NDC1: variants seen among roughly 807,000 people sequenced by gnomAD.
NDC1 encodes nucleoporin NDC1.
A neutral mutation model predicts 89.8 loss-of-function variants in NDC1; 24 were observed. The observed-to-expected ratio is 0.27, with a 90% CI of 0.19 to 0.38. The LOEUF (loss-of-function observed/expected upper bound fraction) is 0.38, where lower values mean the gene tolerates loss of function less well. NDC1 is among the 10% of genes least tolerant of loss of function. The probability of loss-of-function intolerance (pLI) is 1.00; values close to 1 mark genes in which losing one functional copy is unlikely to be tolerated. For synonymous variants in NDC1, 296 were observed against 284.8 expected (o/e 1.04, Z -0.39); for missense variants, 728 against 797.6 (o/e 0.91, Z 1.05).
intron 16 of NDC1, among the ~76,000 whole-genome samples, chr1:53,779,245 C>A (rs1647185398): frequency 6.6e-6 from 1 of 151,746 alleles, no homozygotes; most frequent in Non-Finnish European, 1.5e-5. Context: ...CAGAGATAAT[C>A]TCATTTACTC....
At chr1:53,826,057 C>A (rs559351308) in intron 4 of NDC1, 121 bp from the exon 5 acceptor site, 8 of 964,512 alleles carry the variant, frequency 8.3e-6, no homozygotes, top group South Asian at 1.6e-5. Context: ...GTCCCAAATT[C>A]TAACAAGATG....
At chr1:53,821,888 TTGTCTTGA>T (rs1648679917) in intron 5 of NDC1, among the ~76,000 whole-genome samples, 1 of 152,272 alleles carries the variant, frequency 6.6e-6, no homozygotes, top group South Asian at 2.1e-4. Context: ...GTTGGCATAG[TTGTCTTGA>T]TGTCCATTTC....
intron 3 of NDC1, among the ~76,000 whole-genome samples, chr1:53,831,005 A>T (rs1667863586): frequency 6.6e-6 from 1 of 152,100 alleles, no homozygotes; most frequent in South Asian, 2.1e-4. Flanking sequence ...GCCGATCACG[A>T]GGTGAGGAGA....
rs1647609705 is a variant in NDC1 at position 53,793,982 on chromosome 1, C to G, written c.1585-703G>C. On this transcript the variant is annotated intron_variant, in intron 13 of 17. Coordinates refer to ENST00000371429, the MANE Select transcript of NDC1 (RefSeq NM_018087.5). ...GTTTCTCTCACAGGGAAAAAAAAAT[C>G]TTTTTTTTTTTGAGACAGGGTCTCA... is the stretch of plus-strand genomic sequence containing the variant. Among the ~76,000 whole-genome samples, 3 of 145,124 alleles carry G rather than the reference C, an allele frequency of 2.1e-5. No homozygotes were observed. The South Asian group carries it at 6.5e-4, about 32-fold the overall frequency.
At position 53,831,138 on chromosome 1, in the gene NDC1, C is replaced by T. The variant is rs1375583436; in HGVS notation, c.280+1352G>A. On this transcript the variant is annotated intron_variant, in intron 3 of 17. Transcript: ENST00000371429. Reference sequence around the variant, plus strand: ...TACTTGGGAGGCTGAGGCGGGAGAACGGCGTGAACCTAGGAGGCAGAGCTT... The same window carrying T: ...TACTTGGGAGGCTGAGGCGGGAGAATGGCGTGAACCTAGGAGGCAGAGCTT... Among the ~76,000 whole-genome samples, 9 of 148,858 alleles carry T rather than the reference C, an allele frequency of 6.0e-5. No homozygotes were observed. In the East Asian group the frequency reaches 6.2e-4, roughly 10 times the overall value.
At chr1:53,789,756 G>A (rs946504336) in intron 14 of NDC1, among the ~76,000 whole-genome samples, 17 of 146,922 alleles carry the variant, frequency 1.2e-4, no homozygotes, top group African/African-American at 3.8e-4. Flanking sequence ...CTGAGATCGC[G>A]CCATTGCACT....
chr1:53,795,778 G>A (rs943082129), intron 13 of NDC1, among the ~76,000 whole-genome samples: 4 of 152,116 alleles, frequency 2.6e-5, no homozygotes, highest in African/African-American at 9.7e-5. Flanking sequence ...TACCTTGCAA[G>A]AGTTTAGTCC....
intron 9 of NDC1, 93 bp downstream of exon 9, chr1:53,806,332 C>CA: frequency 1.3e-6 from 1 of 791,504 alleles, no homozygotes; most frequent in East Asian, 3.3e-5. Flanking sequence ...TATAGGCCCT[C>CA]AAAAAATACA....
chr1:53,803,716 C>G (rs545040720), intron 10 of NDC1, among the ~76,000 whole-genome samples: 1 of 152,094 alleles, frequency 6.6e-6, no homozygotes, highest in Non-Finnish European at 1.5e-5. Context: ...GGACTACAGG[C>G]GCCCGCCACC....
chr1:53,807,562 G>T, intron 8 of NDC1, 94 bp downstream of exon 8: 1 of 1,001,550 alleles, frequency 1.0e-6, no homozygotes, highest in East Asian at 2.8e-5. Context: ...TTACGGAAAT[G>T]GTTTTGCGTG....
In NDC1 at chr1:53,824,198, C is replaced by T. The variant is rs890086471; in HGVS notation, c.594+1600G>A. 3.4e-5 allele frequency among the ~76,000 whole-genome samples: 5 copies of T among 147,018 alleles called. No homozygotes were observed. In the East Asian group the frequency reaches 5.9e-4, roughly 17 times the overall value. On this transcript the variant is annotated intron_variant, in intron 5 of 17. Coordinates refer to ENST00000371429, the MANE Select transcript of NDC1 (RefSeq NM_018087.5). ...GCAGTGAGCGATGATCGTGCTACTG[C>T]GCTCCAGCCTGAGTGACAGAGCAAG...
chr1:53,819,556 A>G (rs1191484932), intron 5 of NDC1, among the ~76,000 whole-genome samples: 1 of 152,270 alleles, frequency 6.6e-6, no homozygotes, highest in South Asian at 2.1e-4. Flanking sequence ...CAATGTTATC[A>G]ACCAGCAAAA....
At chr1:53,832,459 T>C (rs1557591984) in intron 3 of NDC1, 31 bp downstream of exon 3, 1 of 1,131,464 alleles carries the variant, frequency 8.8e-7, no homozygotes, top group Non-Finnish European at 1.3e-6. Flanking sequence ...AATTCGCATA[T>C]TTCTAAGAAG....
Position 53,803,913 on chromosome 1 carries a change from T to C in NDC1, c.1066+15A>G. The C allele has an allele frequency of 6.3e-7, 1 of 1,590,388 alleles. No individual in the cohort carries two copies. Among genetic ancestry groups the C allele is most frequent in the Non-Finnish European group, 8.6e-7 (1 of 1,158,472 alleles). On this transcript the variant is annotated intron_variant, in intron 10 of 17. Coordinates refer to ENST00000371429, the MANE Select transcript of NDC1 (RefSeq NM_018087.5). Reference sequence around the variant, plus strand: ...CACACATATGCCTAATCAAGTCTATTACTTTTAGCAATACCTGGTTGGCTG... The same window carrying C: ...CACACATATGCCTAATCAAGTCTATCACTTTTAGCAATACCTGGTTGGCTG...
At chr1:53,838,119 TC>T in intron 1 of NDC1, 85 bp downstream of exon 1, 3 of 1,291,448 alleles carry the variant, frequency 2.3e-6, no homozygotes, top group Non-Finnish European at 3.2e-6. Context: ...GGACCGGCCC[TC>T]CCCCGCCCAG....
intron 6 of NDC1, among the ~76,000 whole-genome samples, chr1:53,817,631 A>T (rs1570221415): frequency 2.0e-5 from 3 of 152,294 alleles, no homozygotes; most frequent in South Asian, 2.1e-4. Flanking sequence ...AATAACTTAC[A>T]GAAAGAAAGA....
rs771788851 is a variant in NDC1 at position 53,807,644 on chromosome 1, T to C, written c.891+12A>G. The C allele has an allele frequency of 1.9e-6, 3 of 1,585,662 alleles. No homozygotes were observed. In the Admixed American group the frequency reaches 5.9e-5, roughly 31 times the overall value. On this transcript the variant is annotated intron_variant, in intron 8 of 17. Coordinates refer to ENST00000371429, the MANE Select transcript of NDC1 (RefSeq NM_018087.5). The stretch of plus-strand genomic sequence containing the variant: ...ACAAAAGTATTAAGAAAAAATATTT[T>C]AAAAAACATACCTCTGTGGCATAGA...
chr1:53,812,020 G>T (rs1158312985), intron 6 of NDC1, among the ~76,000 whole-genome samples: 3 of 152,180 alleles, frequency 2.0e-5, no homozygotes, highest in African/African-American at 7.2e-5. Context: ...AATCACTGCA[G>T]TTCGGCTCAC....
At chr1:53,787,022 G>C (rs1647326593) in intron 16 of NDC1, 136 bp downstream of exon 16, 2 of 577,960 alleles carry the variant, frequency 3.5e-6, no homozygotes, top group Non-Finnish European at 6.1e-6. Context: ...GTAATTTCCT[G>C]AGGGTGAAAA....
Sources: allele counts gnomAD v4.1 joint callset (sites outside exome capture counted in the v4.1 genomes callset), GRCh38; gene constraint gnomAD v4.1.1; transcripts MANE v1.5; gene names NCBI Gene and HGNC (gene_info 2026-07-23, HGNC 2026-07-21).